Variants in KCNIP4 observed in about 807,000 individuals in gnomAD.
KCNIP4 encodes potassium voltage-gated channel interacting protein 4, also known as Kv channel-interacting protein 4.
In KCNIP4, 12 loss-of-function variants were observed where a neutral mutation model predicts 34.0. That is an observed-to-expected ratio of 0.35 (90% CI 0.23 to 0.57). The LOEUF (loss-of-function observed/expected upper bound fraction) is 0.57, where lower values mean the gene tolerates loss of function less well. Among genes scored for constraint, KCNIP4 ranks in the 20% least tolerant of loss-of-function variants. The pLI is 0.83. For synonymous variants in KCNIP4, 124 were observed against 102.2 expected (o/e 1.21, Z -1.29); for missense variants, 238 against 311.7 (o/e 0.76, Z 1.78).
intron 1 of KCNIP4, among the ~76,000 whole-genome samples, chr4:21,213,299 G>T (rs759227805): frequency 7.9e-5 from 12 of 151,652 alleles, no homozygotes; most frequent in South Asian, 2.1e-4. Flanking sequence ...TTATTTTATT[G>T]ATTGATTGAT....
chr4:21,423,355 A>G (rs181634509), intron 1 of KCNIP4, among the ~76,000 whole-genome samples: 86 of 152,350 alleles, frequency 5.6e-4, no homozygotes, highest in Middle Eastern at 3.4e-3. Context: ...TAACATTGCA[A>G]GCGAGAACGT....
intron 1 of KCNIP4, among the ~76,000 whole-genome samples, chr4:20,987,304 A>G (rs1736667535): frequency 6.6e-6 from 1 of 152,056 alleles, no homozygotes; most frequent in African/African-American, 2.4e-5. Flanking sequence ...GCTAGCCCCA[A>G]CCCAGTTTGT....
chr4:21,508,139 A>G (rs370304850), intron 1 of KCNIP4, among the ~76,000 whole-genome samples: 2 of 152,218 alleles, frequency 1.3e-5, no homozygotes, highest in East Asian at 3.9e-4. Context: ...TTTTGCTTGC[A>G]AAAACTAACT....
chr4:21,046,055 T>C (rs1742396638), intron 1 of KCNIP4, among the ~76,000 whole-genome samples: 1 of 152,204 alleles, frequency 6.6e-6, no homozygotes, highest in South Asian at 2.1e-4. Flanking sequence ...GACAACAAAA[T>C]TTAAATGCAT....
intron 1 of KCNIP4, among the ~76,000 whole-genome samples, chr4:21,576,772 T>C (rs1192471735): frequency 6.6e-6 from 1 of 152,170 alleles, no homozygotes; most frequent in East Asian, 1.9e-4. Flanking sequence ...ATGATAATAA[T>C]TATCTTATAT....
intron 1 of KCNIP4, among the ~76,000 whole-genome samples, chr4:20,916,079 G>T (rs553590212): frequency 6.6e-6 from 1 of 151,738 alleles, no homozygotes; most frequent in South Asian, 2.1e-4. Context: ...GACAGCTTCA[G>T]AGAAAAAAAA....
At chr4:21,226,261 GGGA>G (rs1758382904) in intron 1 of KCNIP4, among the ~76,000 whole-genome samples, 1 of 115,796 alleles carries the variant, frequency 8.6e-6, no homozygotes, top group Non-Finnish European at 1.8e-5. Flanking sequence ...GAGGGAGGGA[GGGA>G]GGGAGGGCGG....
At chr4:20,930,384 T>TAAGGCCCCGTCCTA in intron 1 of KCNIP4, among the ~76,000 whole-genome samples, 2 of 152,122 alleles carry the variant, frequency 1.3e-5, no homozygotes, top group South Asian at 4.2e-4. Context: ...GACCTAAATG[T>TAAGGCCCCGTCCTA]AAGATGTGAA....
At chr4:21,538,570 C>T (rs1560499326) in intron 1 of KCNIP4, among the ~76,000 whole-genome samples, 1 of 152,164 alleles carries the variant, frequency 6.6e-6, no homozygotes, top group Non-Finnish European at 1.5e-5. Context: ...GGCTTACAAG[C>T]TAATGCATAC....
chr4:21,779,033 A>G (rs1719394744), intron 1 of KCNIP4, among the ~76,000 whole-genome samples: 1 of 151,896 alleles, frequency 6.6e-6, no homozygotes, highest in African/African-American at 2.4e-5. Flanking sequence ...AGAGAGAGAG[A>G]GAAGATTATA....
At chr4:21,577,192 T>A (rs1389027002) in intron 1 of KCNIP4, among the ~76,000 whole-genome samples, 1 of 152,206 alleles carries the variant, frequency 6.6e-6, no homozygotes, top group Non-Finnish European at 1.5e-5. Flanking sequence ...GACTTCAGCC[T>A]AAGGAGTTTC....
intron 5 of KCNIP4, among the ~76,000 whole-genome samples, chr4:20,747,246 G>A (rs1401834522): frequency 1.3e-5 from 2 of 152,112 alleles, no homozygotes; most frequent in South Asian, 2.1e-4. Context: ...TAGGAAATTG[G>A]TGGTATATTT....
At chr4:21,196,560 G>A (rs1756069989) in intron 1 of KCNIP4, among the ~76,000 whole-genome samples, 1 of 152,136 alleles carries the variant, frequency 6.6e-6, no homozygotes, top group African/African-American at 2.4e-5. Context: ...GGCTTCATGG[G>A]TGTGCAACCT....
At chr4:20,935,122 A>T (rs1730923232) in intron 1 of KCNIP4, among the ~76,000 whole-genome samples, 1 of 152,182 alleles carries the variant, frequency 6.6e-6, no homozygotes, top group Admixed American at 6.5e-5. Context: ...ATATGACTTC[A>T]TCTTAACTTG....
chr4:21,243,887 G>A (rs1760021358), intron 1 of KCNIP4, among the ~76,000 whole-genome samples: 2 of 152,106 alleles, frequency 1.3e-5, no homozygotes, highest in East Asian at 1.9e-4. Flanking sequence ...GTTTTTTGGA[G>A]AGAAAATAAC....
At chr4:21,849,424 A>G (rs1384757902) in intron 1 of KCNIP4, 1 of 152,130 alleles carries the variant, frequency 6.6e-6, no homozygotes, top group Non-Finnish European at 1.5e-5. Flanking sequence ...GCAATCTGCA[A>G]ATCAGTCTGG....
intron 1 of KCNIP4, among the ~76,000 whole-genome samples, chr4:21,800,964 G>A (rs1720953733): frequency 6.6e-6 from 1 of 152,082 alleles, no homozygotes; most frequent in Non-Finnish European, 1.5e-5. Flanking sequence ...AGTCAAACTG[G>A]GGCCAACACT....
chr4:20,864,223 C>CGT (rs1553908354), intron 2 of KCNIP4, among the ~76,000 whole-genome samples: 6 of 144,504 alleles, frequency 4.2e-5, no homozygotes, highest in Non-Finnish European at 7.6e-5. Flanking sequence ...TGTATATATG[C>CGT]ATATATATGT....
chr4:21,370,891 G>A (rs1720373368), intron 1 of KCNIP4, among the ~76,000 whole-genome samples: 1 of 113,326 alleles, frequency 8.8e-6, no homozygotes, highest in Non-Finnish European at 1.7e-5. Flanking sequence ...ACGTGTGTGT[G>A]TGTGTGTGTG....
Sources: gnomAD v4.1 joint callset for allele counts (sites outside exome capture counted in the v4.1 genomes callset) on GRCh38, gnomAD v4.1.1 for gene constraint, MANE v1.5 for transcripts, NCBI Gene and HGNC (gene_info 2026-07-23, HGNC 2026-07-21) for gene names.